Variants in ABCC1 observed in about 807,000 individuals in gnomAD.
ABCC1 encodes the protein multidrug resistance-associated protein 1.
In ABCC1, 83 loss-of-function variants were observed where a neutral mutation model predicts 172.9. The ratio of observed to expected loss-of-function variants is 0.48; its 90% CI spans 0.40 to 0.58. ABCC1 has a LOEUF of 0.58. Among genes scored for constraint, ABCC1 ranks in the 20% least tolerant of loss-of-function variants. The pLI, the probability that ABCC1 is intolerant of heterozygous loss-of-function variation, is 0.00. For synonymous variants in ABCC1, 937 were observed against 825.2 expected, an observed-to-expected ratio of 1.14 and a Z score of -2.32; for missense variants, 1,817 against 2,002.7, an observed-to-expected ratio of 0.91 and a Z score of 1.77.
chr16:16,041,859 G>C (rs1259557424), intron 7 of ABCC1, among the ~76,000 whole-genome samples: 1 of 152,142 alleles, frequency 6.6e-6, no homozygotes, highest in Non-Finnish European at 1.5e-5. Context: ...TACGTTGGGA[G>C]GCTGAGGCGG....
intron 1 of ABCC1, among the ~76,000 whole-genome samples, chr16:15,967,890 C>T (rs1050842488): frequency 3.9e-5 from 6 of 152,190 alleles, no homozygotes; most frequent in Non-Finnish European, 7.4e-5. Context: ...TTTTCTGTTA[C>T]TATAAACATG....
intron 20 of ABCC1, among the ~76,000 whole-genome samples, chr16:16,103,244 T>G (rs1442603785): frequency 6.6e-6 from 1 of 152,084 alleles, no homozygotes; most frequent in Non-Finnish European, 1.5e-5. Flanking sequence ...CCCTGGGGAT[T>G]TATAGCGTAT....
chr16:16,044,675 C>A lies in ABCC1; in HGVS notation c.1035C>A (p.Ile345=), dbSNP rs1446414624. The stretch of plus-strand genomic sequence containing the variant: ...TGATGATGTTTTCCGGGCCGCAGAT[C>A]TTAAAGTAAGACCCCTTCCCTCCCA... ...HDLMMFSGPQ[I]LKLLIKFVND... The change falls in exon 8 of 31, where the codon ATC becomes ATA. Residue 345 remains isoleucine, a synonymous_variant. Transcript: ENST00000399410. The A allele has an allele frequency of 2.3e-5, 37 of 1,613,856 alleles. No individual in the cohort carries two copies. Among genetic ancestry groups the A allele is most frequent in the Non-Finnish European group, 3.1e-5 (36 of 1,179,832 alleles).
At chr16:16,132,510 GTTTTTTTTTT>G (rs71137915) in intron 27 of ABCC1, among the ~76,000 whole-genome samples, 10 of 37,300 alleles carry the variant, frequency 2.7e-4, no homozygotes, top group South Asian at 1.3e-3. Flanking sequence ...TTGGTTGGTT[GTTTTTTTTTT>G]TTTTTTTTTT....
At chr16:16,112,894 G>C (rs2044683828) in intron 22 of ABCC1, among the ~76,000 whole-genome samples, 1 of 152,210 alleles carries the variant, frequency 6.6e-6, no homozygotes, top group South Asian at 2.1e-4. Context: ...GAGAGATTCA[G>C]TGACCAGTAG....
At chr16:16,031,952 T>C (rs2048573736) in intron 5 of ABCC1, among the ~76,000 whole-genome samples, 1 of 152,076 alleles carries the variant, frequency 6.6e-6, no homozygotes, top group South Asian at 2.1e-4. Context: ...CTTGAACAAA[T>C]CTTTTCATCT....
Position 15,949,630 on chromosome 16 carries a change from CG to C in ABCC1, c.-121del. 1.5e-6 allele frequency: 1 copy of C among 677,972 alleles called. No homozygotes were observed. The highest frequency in any genetic ancestry group is 1.9e-5 in the African/African-American group (1 of 51,300). The allele number at this position is 677,972 out of a possible 1,614,324, so 42.0% of individuals were successfully genotyped here. Reference sequence around the variant, plus strand: ...CTCCCTGCGCCGCCGCCGCCGCCGCCGCCAGCGCTAGCGCCAGCAGCCGGGC... The same window carrying C: ...CTCCCTGCGCCGCCGCCGCCGCCGCCCCAGCGCTAGCGCCAGCAGCCGGGC... On this transcript the variant is annotated 5_prime_UTR_variant, in exon 1 of 31. Transcript: ENST00000399410.
intron 25 of ABCC1, among the ~76,000 whole-genome samples, chr16:16,125,592 C>G (rs953083691): frequency 1.3e-5 from 2 of 151,912 alleles, no homozygotes; most frequent in Non-Finnish European, 2.9e-5. Flanking sequence ...CCATGCCTGG[C>G]TAATTTTTAT....
intron 7 of ABCC1, 147 bp from the exon 8 acceptor site, chr16:16,044,303 A>G: frequency 1.4e-6 from 1 of 715,576 alleles, no homozygotes; most frequent in Non-Finnish European, 2.3e-6. Flanking sequence ...CCGTGTTTGT[A>G]ACCACTGTGC....
At chr16:16,014,681 T>C in intron 4 of ABCC1, 53 bp downstream of exon 4, 2 of 1,600,542 alleles carry the variant, frequency 1.2e-6, no homozygotes, top group Non-Finnish European at 1.7e-6. Context: ...GAGGGAGAGA[T>C]GCTGGGTCCC....
intron 15 of ABCC1, 114 bp downstream of exon 15, chr16:16,076,515 T>G: frequency 9.4e-7 from 1 of 1,066,738 alleles, no homozygotes; most frequent in Non-Finnish European, 1.3e-6. Flanking sequence ...CAACTCACTT[T>G]GCCTTTCTAA....
At chr16:16,114,410 G>C (rs544614958) in intron 22 of ABCC1, among the ~76,000 whole-genome samples, 2 of 150,468 alleles carry the variant, frequency 1.3e-5, no homozygotes, top group Admixed American at 1.3e-4. Context: ...ACGCAGTCTT[G>C]GCTCACTGCA....
At position 16,014,696 on chromosome 16, in the gene ABCC1, G is replaced by T. The variant is rs147479573; in HGVS notation, c.489+68G>T. On this transcript the variant is annotated intron_variant, in intron 4 of 30. Coordinates refer to ENST00000399410, the MANE Select transcript of ABCC1 (RefSeq NM_004996.4). ...GAGGGAGAGATGCTGGGTCCCTCTG[G>T]CTTGTGTAGAAGTCATGCGTTGCCA... The T allele has an allele frequency of 5.4e-3, 8,489 of 1,586,000 alleles. 38 individuals are homozygous for T. Among genetic ancestry groups the T allele is most frequent in the Non-Finnish European group, 6.5e-3 (7,500 of 1,161,782 alleles).
chr16:16,121,939 C>T, intron 23 of ABCC1, 36 bp from the exon 24 acceptor site: 1 of 1,608,702 alleles, frequency 6.2e-7, no homozygotes, highest in Non-Finnish European at 8.5e-7. Context: ...CAGGAGGGAA[C>T]CTTCATCAAC....
chr16:16,009,682 G>C, intron 2 of ABCC1, 94 bp from the exon 3 acceptor site: 1 of 1,323,550 alleles, frequency 7.6e-7, no homozygotes, highest in South Asian at 1.7e-5. Context: ...AAGGCTGGCT[G>C]GTTCTCCTAT....
chr16:16,077,131 C>T (rs1363194980), intron 15 of ABCC1, among the ~76,000 whole-genome samples: 2 of 152,180 alleles, frequency 1.3e-5, no homozygotes, highest in Non-Finnish European at 2.9e-5. Context: ...TCATTTTGTT[C>T]TGACCAGAGG....
chr16:16,030,303 A>G (rs1458659603), intron 5 of ABCC1, among the ~76,000 whole-genome samples: 1 of 152,082 alleles, frequency 6.6e-6, no homozygotes, highest in Non-Finnish European at 1.5e-5. Context: ...TGGGCAGATC[A>G]CTTGAGTCAG....
intron 8 of ABCC1, among the ~76,000 whole-genome samples, chr16:16,045,395 CAAAAA>C (rs34870561): frequency 1.5e-5 from 1 of 64,704 alleles, no homozygotes; most frequent in Admixed American, 1.9e-4. Flanking sequence ...GACTTTGTCT[CAAAAA>C]AAAAAAAAAA....
At chr16:16,019,527 C>T (rs1163194582) in intron 5 of ABCC1, among the ~76,000 whole-genome samples, 1 of 152,152 alleles carries the variant, frequency 6.6e-6, no homozygotes, top group African/African-American at 2.4e-5. Flanking sequence ...GTGGGGATCA[C>T]CCAACCCATC....
Sources: gnomAD v4.1 joint callset for allele counts (sites outside exome capture counted in the v4.1 genomes callset) on GRCh38, gnomAD v4.1.1 for gene constraint, MANE v1.5 for transcripts, NCBI Gene and HGNC (gene_info 2026-07-23, HGNC 2026-07-21) for gene names.